EPB41L4A: variants seen among roughly 807,000 people sequenced by gnomAD.
The protein encoded by EPB41L4A is band 4.1-like protein 4A.
EPB41L4A carries 100 observed loss-of-function variants against 108.6 expected under a neutral mutation model. The ratio of observed to expected loss-of-function variants is 0.92; its 90% confidence interval spans 0.78 to 1.09. The LOEUF is 1.09. Among genes scored for constraint, EPB41L4A ranks in the 50% least tolerant of loss-of-function variants. The pLI is 0.00. For missense variants in EPB41L4A, 1,030 were observed against 842.7 expected (o/e 1.22, Z -2.75); for synonymous variants, 319 against 289.0 (o/e 1.10, Z -1.05).
chr5:112,399,079 T>C (rs1761568673), intron 1 of EPB41L4A, among the ~76,000 whole-genome samples: 1 of 151,968 alleles, frequency 6.6e-6, no homozygotes, highest in African/African-American at 2.4e-5. Context: ...CTCGCCAAAA[T>C]CAAACCATCT....
At chr5:112,216,517 T>C (rs1168610285) in intron 12 of EPB41L4A, among the ~76,000 whole-genome samples, 1 of 152,222 alleles carries the variant, frequency 6.6e-6, no homozygotes, top group Non-Finnish European at 1.5e-5. Flanking sequence ...GGTTGTGACA[T>C]ACACTTTCTT....
In EPB41L4A at chr5:112,163,136, G is replaced by A. The variant is rs999742723; in HGVS notation, c.*1854C>T. 2 of 152,206 alleles carry A rather than the reference G, an allele frequency of 1.3e-5. No individual in the cohort carries two copies. The highest frequency in any genetic ancestry group is 4.8e-5 in the African/African-American group (2 of 41,456). 9.4% of individuals were successfully genotyped at this position (152,206 alleles called of 1,614,324 possible). A position where few individuals can be genotyped will look rare whatever the true frequency, so the allele number is the denominator to read the frequency against. On this transcript the variant is annotated 3_prime_UTR_variant, in exon 23 of 23. Transcript: ENST00000261486. ...AGGTAGTTGAACTAGGTTGCTTATT[G>A]TTGTCTAGACAAGAGACCAGCTTGG...
intron 1 of EPB41L4A, among the ~76,000 whole-genome samples, chr5:112,389,050 G>C (rs1580809783): frequency 6.6e-6 from 1 of 152,074 alleles, no homozygotes; most frequent in South Asian, 2.1e-4. Flanking sequence ...GATCCCAGGA[G>C]AGGAATTGTT....
At chr5:112,166,530 G>T (rs1272465302) in intron 22 of EPB41L4A, among the ~76,000 whole-genome samples, 1 of 152,068 alleles carries the variant, frequency 6.6e-6, no homozygotes, top group African/African-American at 2.4e-5. Flanking sequence ...CACTCACATG[G>T]CTAGCTCCTC....
At chr5:112,267,394 T>C (rs528809028) in intron 4 of EPB41L4A, among the ~76,000 whole-genome samples, 1 of 152,234 alleles carries the variant, frequency 6.6e-6, no homozygotes, top group Non-Finnish European at 1.5e-5. Flanking sequence ...AAATGTTACA[T>C]GTGTTAGATA....
At chr5:112,335,191 T>A (rs1165214859) in intron 1 of EPB41L4A, among the ~76,000 whole-genome samples, 1 of 152,082 alleles carries the variant, frequency 6.6e-6, no homozygotes, top group Non-Finnish European at 1.5e-5. Context: ...GGGAGAGATT[T>A]CCATTGCCAA....
intron 18 of EPB41L4A, among the ~76,000 whole-genome samples, chr5:112,181,467 T>C (rs373236647): frequency 1.3e-5 from 2 of 151,174 alleles, no homozygotes; most frequent in Non-Finnish European, 3.0e-5. Flanking sequence ...AAAAAATAAA[T>C]AAACACACAA....
chr5:112,146,429 G>A (rs1759260477), intron 12 of EPB41L4A, among the ~76,000 whole-genome samples: 1 of 152,170 alleles, frequency 6.6e-6, no homozygotes, highest in Non-Finnish European at 1.5e-5. Flanking sequence ...GTAATTCTGT[G>A]TCCCACAGGA....
intron 2 of EPB41L4A, among the ~76,000 whole-genome samples, chr5:112,291,209 T>C (rs1440386084): frequency 1.3e-5 from 2 of 152,192 alleles, no homozygotes; most frequent in Non-Finnish European, 1.5e-5. Flanking sequence ...GGGCCCTATG[T>C]TATGGGGGCC....
At chr5:112,177,718 A>T (rs550105954) in intron 18 of EPB41L4A, among the ~76,000 whole-genome samples, 1 of 152,368 alleles carries the variant, frequency 6.6e-6, no homozygotes, top group South Asian at 2.1e-4. Context: ...CAATGTTTCT[A>T]AATTTTAAAT....
At chr5:112,201,160 T>G (rs914714392) in intron 15 of EPB41L4A, among the ~76,000 whole-genome samples, 2 of 152,202 alleles carry the variant, frequency 1.3e-5, no homozygotes, top group African/African-American at 4.8e-5. Flanking sequence ...AAGAATGTGC[T>G]TTAGTCCTTT....
At chr5:112,409,796 C>T (rs1314261688) in intron 1 of EPB41L4A, among the ~76,000 whole-genome samples, 1 of 152,116 alleles carries the variant, frequency 6.6e-6, no homozygotes, top group Non-Finnish European at 1.5e-5. Context: ...TCATGTATAG[C>T]ATCCCATGAT....
chr5:112,223,247 G>C (rs1441794788), intron 12 of EPB41L4A, among the ~76,000 whole-genome samples: 1 of 152,032 alleles, frequency 6.6e-6, no homozygotes, highest in African/African-American at 2.4e-5. Flanking sequence ...ACCGAAAGTA[G>C]TTTCTTTCTT....
intron 20 of EPB41L4A, 58 bp from the exon 21 acceptor site, chr5:112,169,163 A>G (rs1760430275): frequency 8.1e-7 from 1 of 1,240,846 alleles, no homozygotes. Flanking sequence ...AAGGAAAAGT[A>G]GGAGTTCTTA....
chr5:112,231,284 T>A (rs1006071576), intron 12 of EPB41L4A, among the ~76,000 whole-genome samples: 1 of 152,162 alleles, frequency 6.6e-6, no homozygotes, highest in African/African-American at 2.4e-5. Flanking sequence ...GAAAAGCAAG[T>A]TGAAAACCCA....
At chr5:112,150,462 AC>A (rs1324039101) in intron 12 of EPB41L4A, among the ~76,000 whole-genome samples, 1 of 152,210 alleles carries the variant, frequency 6.6e-6, no homozygotes, top group Non-Finnish European at 1.5e-5. Flanking sequence ...TTGAAAAAAA[AC>A]AAAGGGAACT....
chr5:112,309,252 G>T (rs1561559102), intron 1 of EPB41L4A, among the ~76,000 whole-genome samples: 1 of 152,064 alleles, frequency 6.6e-6, no homozygotes, highest in Non-Finnish European at 1.5e-5. Context: ...TATCTCATGG[G>T]TTACTCCAGA....
intron 1 of EPB41L4A, among the ~76,000 whole-genome samples, chr5:112,365,932 G>A (rs374977143): frequency 1.3e-5 from 2 of 152,256 alleles, no homozygotes; most frequent in South Asian, 4.1e-4. Flanking sequence ...CAAAGTACAA[G>A]GTAAGAATGT....
intron 1 of EPB41L4A, among the ~76,000 whole-genome samples, chr5:112,313,230 A>C (rs1471770962): frequency 6.6e-6 from 1 of 152,234 alleles, no homozygotes; most frequent in Non-Finnish European, 1.5e-5. Flanking sequence ...GCGACTAAGA[A>C]ACTTCTAAAA....
Sources: gnomAD v4.1 joint callset for allele counts (sites outside exome capture counted in the v4.1 genomes callset) on GRCh38, gnomAD v4.1.1 for gene constraint, MANE v1.5 for transcripts, NCBI Gene and HGNC (gene_info 2026-07-23, HGNC 2026-07-21) for gene names.